The following DCUN1D5 variants were observed in gnomAD, a reference collection of about 807,000 sequenced individuals.
DCUN1D5 encodes defective in cullin neddylation 1 domain containing 5.
In DCUN1D5, 10 loss-of-function variants were observed where a neutral mutation model predicts 38.3. The observed-to-expected ratio is 0.26, with a 90% CI of 0.16 to 0.44. DCUN1D5 has a LOEUF of 0.44. DCUN1D5 is among the 20% of genes least tolerant of loss of function. The pLI is 1.00. For missense variants in DCUN1D5, 148 were observed against 275.3 expected (o/e 0.54, Z 3.27); for synonymous variants, 93 against 90.9 (o/e 1.02, Z -0.13).
At position 103,051,382 on chromosome 11, in the gene DCUN1D5, G is replaced by T. The variant is rs552840866; in HGVS notation, c.*10977C>A. ...TTCTTCTGACAAGGCAGCAACCTTA[G>T]AAATGATATCAGCATGAAAAGTTCA... On this transcript the variant is annotated 3_prime_UTR_variant, in exon 8 of 8. Coordinates refer to ENST00000260247, the MANE Select transcript of DCUN1D5 (RefSeq NM_032299.4). The T allele has an allele frequency of 1.4e-4, 22 of 152,074 alleles. No individual in the cohort carries two copies. The South Asian group carries it at 4.1e-3, about 29-fold the overall frequency. 9.4% of individuals were successfully genotyped at this position (152,074 alleles called of 1,614,324 possible).
chr11:103,063,714 C>T lies in DCUN1D5; in HGVS notation c.658+561G>A, dbSNP rs772049252. ...AATTAATTTATCATTATTTCAAAAT[C>T]CTGTTTTATGGCATTCTAGCCTTTC... On this transcript the variant is annotated intron_variant, in intron 7 of 7. Transcript: ENST00000260247. The surrounding 1 kb of genome is among the most constrained non-coding windows in gnomAD (Gnocchi z 4.6). 1.7e-4 allele frequency among the ~76,000 whole-genome samples: 26 copies of T among 152,166 alleles called. No individual in the cohort carries two copies. The highest frequency in any genetic ancestry group is 2.2e-4 in the Non-Finnish European group (15 of 67,952).
Position 103,090,764 on chromosome 11 carries a change from T to C in DCUN1D5, c.86+1023A>G, listed in dbSNP as rs561144108. 3.9e-5 allele frequency among the ~76,000 whole-genome samples: 6 copies of C among 152,072 alleles called. No individual in the cohort carries two copies. The East Asian group carries it at 1.2e-3, about 29-fold the overall frequency. ...CGTCTCTACTAAAAATACAAAAAAT[T>C]AGCAGGGCGTGGTGGCGGGCGCCTA... On this transcript the variant is annotated intron_variant, in intron 1 of 7. Transcript: ENST00000260247.
rs1591224977 is a variant in DCUN1D5 at position 103,083,178 on chromosome 11, A to G, written c.249+78T>C. 1 of 730,330 alleles carries G rather than the reference A, an allele frequency of 1.4e-6. No individual in the cohort carries two copies. Among genetic ancestry groups the G allele is most frequent in the Non-Finnish European group, 2.4e-6 (1 of 413,418 alleles). 45.2% of individuals were successfully genotyped at this position (730,330 alleles called of 1,614,324 possible). On this transcript the variant is annotated intron_variant, in intron 3 of 7. Coordinates refer to ENST00000260247, the MANE Select transcript of DCUN1D5 (RefSeq NM_032299.4). The surrounding 1 kb of genome is among the most constrained non-coding windows in gnomAD (Gnocchi z 4.4). ...AGAAATAAAATCTTCATACAAGATT[A>G]AAGTGTCTCGATTTTTAGTAATTTA...
chr11:103,092,052 CT>C lies in DCUN1D5; in HGVS notation c.-181del. On this transcript the variant is annotated 5_prime_UTR_variant, in exon 1 of 8. Transcript: ENST00000260247. ...GCCCGCTCCCAGGTATCCTCGTCGT[CT>C]TTCTCTGACCGGGACAGGGCTGGCT... The C allele has an allele frequency of 1.7e-6, 1 of 603,182 alleles. No homozygotes were observed. The highest frequency in any genetic ancestry group is 2.9e-6 in the Non-Finnish European group (1 of 342,696). 37.4% of individuals were successfully genotyped at this position (603,182 alleles called of 1,614,324 possible).
rs186467993 is a variant in DCUN1D5 at position 103,088,947 on chromosome 11, T to C, written c.178+280A>G. Among the ~76,000 whole-genome samples the C allele has an allele frequency of 1.3e-4, 19 of 147,642 alleles. No individual in the cohort carries two copies. In the East Asian group the frequency reaches 3.5e-3, roughly 27 times the overall value. ...CCTTTTATTTTCCAGAATACTACTTTAGCCAATAGATGTAAATAAATGAAT... is the reference window on the plus strand; with the variant it reads ...CCTTTTATTTTCCAGAATACTACTTCAGCCAATAGATGTAAATAAATGAAT... On this transcript the variant is annotated intron_variant, in intron 2 of 7. Coordinates refer to ENST00000260247, the MANE Select transcript of DCUN1D5 (RefSeq NM_032299.4).
At position 103,055,645 on chromosome 11, in the gene DCUN1D5, A is replaced by G. The variant is rs547765716; in HGVS notation, c.*6714T>C. Reference sequence around the variant, plus strand: ...TAGAAAATGTTAACATTTTATTTCTATTTGAAAAATCACAAAAGTTGGCCT... The same window carrying G: ...TAGAAAATGTTAACATTTTATTTCTGTTTGAAAAATCACAAAAGTTGGCCT... On this transcript the variant is annotated 3_prime_UTR_variant, in exon 8 of 8. Transcript: ENST00000260247. 4.6e-5 allele frequency: 7 copies of G among 152,280 alleles called. No homozygotes were observed. In the South Asian group the frequency reaches 1.4e-3, roughly 32 times the overall value. 9.4% of individuals were successfully genotyped at this position (152,280 alleles called of 1,614,324 possible). A position where few individuals can be genotyped will look rare whatever the true frequency, so the allele number is the denominator to read the frequency against.
chr11:103,074,007 T>C (rs4365026), intron 4 of DCUN1D5, among the ~76,000 whole-genome samples: 13,663 of 152,076 alleles, frequency 0.09, 790 homozygotes, highest in Non-Finnish European at 0.12. Context: ...GAGGTGAAGG[T>C]TGAAGTCAGC....
Position 103,089,260 on chromosome 11 carries a change from T to C in DCUN1D5, c.145A>G (p.Lys49Glu). 1 of 1,613,658 alleles carries C rather than the reference T, an allele frequency of 6.2e-7. No homozygotes were observed. The highest frequency in any genetic ancestry group is 1.3e-5 in the African/African-American group (1 of 75,044). ...TCATAAAACCAAGCCAGGCACTTCT[T>C]GCTTGAAAAATGTTCCTCTCCACTT... ...LISGEEHFSS[K>E]KCLAWFYEYA... Residue 49 changes from lysine (K) to glutamate (E), a missense_variant, in exon 2 of 8, where the codon AAG (lysine) becomes GAG (glutamate). By Grantham distance (56) the Lys-to-Glu change is moderately conservative. Transcript: ENST00000260247.
chr11:103,069,074 T>C (rs926298171), intron 4 of DCUN1D5, among the ~76,000 whole-genome samples: 20 of 152,184 alleles, frequency 1.3e-4, no homozygotes, highest in African/African-American at 4.8e-4. Context: ...CTAACTTGAG[T>C]GGGATGCAGC....
Position 103,051,049 on chromosome 11 carries a change from A to C in DCUN1D5, c.*11310T>G, listed in dbSNP as rs1314573174. Reference sequence around the variant, plus strand: ...AAGAAAGGTGCTGCAACTTCTGGACATAAAGAAGTTCCAATAAATCCAATC... The same window carrying C: ...AAGAAAGGTGCTGCAACTTCTGGACCTAAAGAAGTTCCAATAAATCCAATC... On this transcript the variant is annotated 3_prime_UTR_variant, in exon 8 of 8. Coordinates refer to ENST00000260247, the MANE Select transcript of DCUN1D5 (RefSeq NM_032299.4). 2 of 152,230 alleles carry C rather than the reference A, an allele frequency of 1.3e-5. No homozygotes were observed. Among genetic ancestry groups the C allele is most frequent in the Admixed American group, 6.5e-5 (1 of 15,276 alleles). 9.4% of individuals were successfully genotyped at this position (152,230 alleles called of 1,614,324 possible).
chr11:103,091,868 G>C lies in DCUN1D5; in HGVS notation c.5C>G (p.Pro2Arg). ...AGGGGATTTTCTCTTCTTCTTCACCGGCATCTTCCGCCCTCCCCGGCAGGG... is the reference window on the plus strand; with the variant it reads ...AGGGGATTTTCTCTTCTTCTTCACCCGCATCTTCCGCCCTCCCCGGCAGGG... M[P>R]VKKKRKSPGV... The change falls in exon 1 of 8, where the codon CCG (proline) becomes CGG (arginine). Residue 2 changes from proline to arginine, a missense_variant. Coordinates refer to ENST00000260247, the MANE Select transcript of DCUN1D5 (RefSeq NM_032299.4). The surrounding 1 kb of genome is among the most constrained non-coding windows in gnomAD (Gnocchi z 4.3). 1 of 1,613,110 alleles carries C rather than the reference G, an allele frequency of 6.2e-7. No homozygotes were observed. The highest frequency in any genetic ancestry group is 8.5e-7 in the Non-Finnish European group (1 of 1,179,514).
Position 103,061,597 on chromosome 11 carries a change from C to CAAA in DCUN1D5, c.*759_*761dup, listed in dbSNP as rs141012503. The stretch of plus-strand genomic sequence containing the variant: ...TATCACAGCTAACGTTCTCTTAAGG[C>CAAA]AAAAAAAAAAAAAAAAAGTGCTTTA... On this transcript the variant is annotated 3_prime_UTR_variant, in exon 8 of 8. Coordinates refer to ENST00000260247, the MANE Select transcript of DCUN1D5 (RefSeq NM_032299.4). Among the ~76,000 whole-genome samples, 3 of 95,536 alleles carry CAAA rather than the reference C, an allele frequency of 3.1e-5. No homozygotes were observed. Among genetic ancestry groups the CAAA allele is most frequent in the Non-Finnish European group, 4.6e-5 (2 of 43,398 alleles). The allele number at this position is 95,536 out of a possible 152,430, so 62.7% of individuals were successfully genotyped here.
rs564684993 is a variant in DCUN1D5, at chr11:103,072,919, T to C, written c.342-6352A>G. ...ACTTGAAGTATAATAATAAAAGAAATAAAAGATATATAGATCAGAAAAGAG... is the reference window on the plus strand; with the variant it reads ...ACTTGAAGTATAATAATAAAAGAAACAAAAGATATATAGATCAGAAAAGAG... On this transcript the variant is annotated intron_variant, in intron 4 of 7. Transcript: ENST00000260247. Among the ~76,000 whole-genome samples the C allele has an allele frequency of 6.3e-4, 95 of 151,908 alleles. No homozygotes were observed. In the Middle Eastern group the frequency reaches 0.01, roughly 16 times the overall value.
rs574287312 is a variant in DCUN1D5 at position 103,066,774 on chromosome 11, G to T, written c.342-207C>A. Among the ~76,000 whole-genome samples the T allele has an allele frequency of 3.3e-5, 5 of 152,122 alleles. No individual in the cohort carries two copies. The South Asian group carries it at 1.0e-3, about 31-fold the overall frequency. ...TAAAAAAAGAAAAAAGGGGAAAAAAGAAAACCTGGGAATCAAAGAAAGTTC... is the reference window on the plus strand; with the variant it reads ...TAAAAAAAGAAAAAAGGGGAAAAAATAAAACCTGGGAATCAAAGAAAGTTC... On this transcript the variant is annotated intron_variant, in intron 4 of 7. Coordinates refer to ENST00000260247, the MANE Select transcript of DCUN1D5 (RefSeq NM_032299.4). This position sits in a 1 kb window ranked among gnomAD's most constrained non-coding sequence, Gnocchi z 4.7.
chr11:103,077,852 ATG>A lies in DCUN1D5; in HGVS notation c.341+4894_341+4895del, dbSNP rs1177835863. ...CATCTACTTCTAGGGGTATTTGAAAATGTGCAGAGGGGCATTTTGAAATTGTC... is the reference window on the plus strand; with the variant it reads ...CATCTACTTCTAGGGGTATTTGAAAATGCAGAGGGGCATTTTGAAATTGTC... On this transcript the variant is annotated intron_variant, in intron 4 of 7. Transcript: ENST00000260247. The surrounding 1 kb of genome is among the most constrained non-coding windows in gnomAD (Gnocchi z 4.3). Among the ~76,000 whole-genome samples the A allele has an allele frequency of 6.6e-6, 1 of 152,192 alleles. No individual in the cohort carries two copies. The highest frequency in any genetic ancestry group is 1.5e-5 in the Non-Finnish European group (1 of 68,034).
chr11:103,057,894 A>G lies in DCUN1D5; in HGVS notation c.*4465T>C, dbSNP rs921526507. On this transcript the variant is annotated 3_prime_UTR_variant, in exon 8 of 8. Transcript: ENST00000260247. The surrounding 1 kb of genome is among the most constrained non-coding windows in gnomAD (Gnocchi z 4.8). ...AAAACCAAACCCATGAAGTATGTGGAAAAAATTCATTAATATCTTAAAGCT... is the reference window on the plus strand; with the variant it reads ...AAAACCAAACCCATGAAGTATGTGGGAAAAATTCATTAATATCTTAAAGCT... 6.6e-6 allele frequency among the ~76,000 whole-genome samples: 1 copy of G among 152,204 alleles called. No individual in the cohort carries two copies. The highest frequency in any genetic ancestry group is 2.4e-5 in the African/African-American group (1 of 41,454).
chr11:103,091,887 G>C lies in DCUN1D5; in HGVS notation c.-15C>G. 6 of 1,608,520 alleles carry C rather than the reference G, an allele frequency of 3.7e-6. No individual in the cohort carries two copies. The highest frequency in any genetic ancestry group is 5.1e-6 in the Non-Finnish European group (6 of 1,176,988). On this transcript the variant is annotated 5_prime_UTR_variant, in exon 1 of 8. Transcript: ENST00000260247. This position sits in a 1 kb window ranked among gnomAD's most constrained non-coding sequence, Gnocchi z 4.3. ...TTCACCGGCATCTTCCGCCCTCCCCGGCAGGGTGGGCAGGGGAGCCGGGGA... is the reference window on the plus strand; with the variant it reads ...TTCACCGGCATCTTCCGCCCTCCCCCGCAGGGTGGGCAGGGGAGCCGGGGA...
rs1220944097 is a variant in DCUN1D5, at chr11:103,052,850, C to T, written c.*9509G>A. On this transcript the variant is annotated 3_prime_UTR_variant, in exon 8 of 8. Coordinates refer to ENST00000260247, the MANE Select transcript of DCUN1D5 (RefSeq NM_032299.4). ...GAAATTCAGTTTTCTCACTCTATTA[C>T]TTTGTTCACATGTTTGATGTCAAGG... 1 of 152,074 alleles carries T rather than the reference C, an allele frequency of 6.6e-6. No homozygotes were observed. Among genetic ancestry groups the T allele is most frequent in the Non-Finnish European group, 1.5e-5 (1 of 68,006 alleles). The allele number at this position is 152,074 out of a possible 1,614,324, so 9.4% of individuals were successfully genotyped here.
In DCUN1D5 at chr11:103,059,878, C is replaced by T. The variant is rs1030777667; in HGVS notation, c.*2481G>A. On this transcript the variant is annotated 3_prime_UTR_variant, in exon 8 of 8. Transcript: ENST00000260247. ...TGTTATAAAGCACCATACGGTATTT[C>T]ATCCTGTACAAAGGGAAGTAGTTCT... Among the ~76,000 whole-genome samples the T allele has an allele frequency of 1.3e-5, 2 of 152,134 alleles. No individual in the cohort carries two copies. Among genetic ancestry groups the T allele is most frequent in the African/African-American group, 4.8e-5 (2 of 41,438 alleles).
Sources: gnomAD v4.1 joint callset for allele counts (sites outside exome capture counted in the v4.1 genomes callset) on GRCh38, gnomAD v4.1.1 for gene constraint, Gnocchi (gnomAD v3.1) non-coding constraint, MANE v1.5 for transcripts, NCBI Gene and HGNC (gene_info 2026-07-23, HGNC 2026-07-21) for gene names.